TXNDC11: variants seen among roughly 807,000 people sequenced by gnomAD.
The protein encoded by TXNDC11 is thioredoxin domain-containing protein 11.
Under a neutral mutation model 78.0 loss-of-function variants are expected in TXNDC11, and 68 were observed. The observed-to-expected ratio is 0.87, with a 90% confidence interval of 0.72 to 1.07. The LOEUF (loss-of-function observed/expected upper bound fraction) is 1.07. Among genes scored for constraint, TXNDC11 ranks in the 50% least tolerant of loss-of-function variants. The pLI is 0.00. For synonymous variants in TXNDC11, 571 were observed against 495.2 expected (o/e 1.15, Z -2.03); for missense variants, 1,389 against 1,221.8 (o/e 1.14, Z -2.04).
chr16:11,695,631 C>A (rs1030447034), intron 7 of TXNDC11, among the ~76,000 whole-genome samples: 1 of 152,198 alleles, frequency 6.6e-6, no homozygotes, highest in African/African-American at 2.4e-5. Context: ...TCCACCTCTA[C>A]CACCCAAGTT....
intron 5 of TXNDC11, among the ~76,000 whole-genome samples, chr16:11,706,006 T>C (rs764935059): frequency 3.9e-5 from 6 of 152,200 alleles, no homozygotes; most frequent in Non-Finnish European, 7.3e-5. Flanking sequence ...TTCAATATTT[T>C]AATTAAGAAC....
In TXNDC11 at chr16:11,684,255, G is replaced by A; in HGVS notation, c.2154-10C>T. 1 of 1,605,550 alleles carries A rather than the reference G, an allele frequency of 6.2e-7. No individual in the cohort carries two copies. Among genetic ancestry groups the A allele is most frequent in the East Asian group, 2.2e-5 (1 of 44,770 alleles). ...CTGAGACACGTCAATCCTGGTAAAG[G>A]GAAAGAACAGAAATGGCAGATGATC... On this transcript the variant is annotated splice_polypyrimidine_tract_variant and intron_variant, in intron 10 of 11. Transcript: ENST00000283033.
intron 11 of TXNDC11, 81 bp downstream of exon 11, chr16:11,684,084 T>A: frequency 1.0e-6 from 1 of 1,000,276 alleles, no homozygotes; most frequent in Non-Finnish European, 1.6e-6. Context: ...TAATGAATGA[T>A]TTACATCTTA....
chr16:11,740,351 A>C (rs2141132900), intron 1 of TXNDC11, among the ~76,000 whole-genome samples: 1 of 152,344 alleles, frequency 6.6e-6, no homozygotes, highest in South Asian at 2.1e-4. Flanking sequence ...CCAGTGACAC[A>C]GAAAGAAGAT....
At position 11,691,391 on chromosome 16, in the gene TXNDC11, G is replaced by A. The variant is rs758746492; in HGVS notation, c.1799C>T (p.Pro600Leu). ...FWLYAERLGAPSSTQVKEFAA... is the reference protein window; with the variant it reads ...FWLYAERLGALSSTQVKEFAA... ...AAATTCTTTCACCTGAGTGGAGCTC[G>A]GAGCACCCAGTCTCTCTGCATATAA... The change falls in exon 8 of 12, where the codon CCG becomes CTG. Residue 600 changes from proline to leucine, a missense_variant. Pro to Leu is a moderately conservative substitution (Grantham distance 98). Coordinates refer to ENST00000283033, the MANE Select transcript of TXNDC11 (RefSeq NM_015914.7). The A allele has an allele frequency of 5.0e-6, 8 of 1,613,994 alleles. 1 individual carries two copies. Among genetic ancestry groups the A allele is most frequent in the Middle Eastern group, 3.3e-4 (2 of 6,084 alleles).
intron 10 of TXNDC11, among the ~76,000 whole-genome samples, chr16:11,687,136 G>C (rs1370363542): frequency 1.3e-5 from 2 of 152,116 alleles, no homozygotes; most frequent in African/African-American, 4.8e-5. Flanking sequence ...CGTATTTCTA[G>C]TGGAATCTGT....
At position 11,691,305 on chromosome 16, in the gene TXNDC11, T is replaced by A. The variant is rs2050706653; in HGVS notation, c.1885A>T (p.Met629Leu). ...CCTGCAGTACCTAGGGTGAGCTTCATCAGTGCTTGCTTTGGATCCAAGATG... is the reference window on the plus strand; with the variant it reads ...CCTGCAGTACCTAGGGTGAGCTTCAACAGTGCTTGCTTTGGATCCAAGATG... ...HYILDPKQAL[M>L]KLTLESFIQN... is the part of the protein sequence containing the mutation. The change falls in exon 8 of 12, where the codon ATG (methionine) becomes TTG (leucine). Residue 629 changes from methionine to leucine, a missense_variant. Met to Leu is a conservative substitution (Grantham distance 15). Coordinates refer to ENST00000283033, the MANE Select transcript of TXNDC11 (RefSeq NM_015914.7). 1.9e-6 allele frequency: 3 copies of A among 1,613,324 alleles called. No homozygotes were observed. In the Admixed American group the frequency reaches 5.0e-5, roughly 27 times the overall value.
chr16:11,683,475 C>T (rs931721363), intron 11 of TXNDC11, among the ~76,000 whole-genome samples: 6 of 152,208 alleles, frequency 3.9e-5, no homozygotes, highest in Non-Finnish European at 1.5e-5. Context: ...AACTGAGAGA[C>T]AAGCAAGTGG....
chr16:11,706,341 G>A (rs766183264), intron 5 of TXNDC11, among the ~76,000 whole-genome samples: 9 of 152,246 alleles, frequency 5.9e-5, no homozygotes, highest in Non-Finnish European at 1.2e-4. Flanking sequence ...CTCAGGGAGG[G>A]AGGGTGCTCC....
chr16:11,724,784 C>T (rs983370592), intron 4 of TXNDC11, among the ~76,000 whole-genome samples: 2 of 152,062 alleles, frequency 1.3e-5, no homozygotes, highest in African/African-American at 2.4e-5. Flanking sequence ...CTTTCTCTGT[C>T]GCCAAGGCTG....
At chr16:11,723,463 T>A (rs764437354) in intron 4 of TXNDC11, among the ~76,000 whole-genome samples, 2 of 152,028 alleles carry the variant, frequency 1.3e-5, no homozygotes, top group Non-Finnish European at 2.9e-5. Flanking sequence ...TGCACGCCTG[T>A]AATTCCAGCT....
chr16:11,737,348 G>A (rs533338828), intron 1 of TXNDC11, among the ~76,000 whole-genome samples: 1 of 151,714 alleles, frequency 6.6e-6, no homozygotes, highest in African/African-American at 2.4e-5. Context: ...GGGAAGCTGA[G>A]ACACAAGAAT....
chr16:11,727,256 A>C (rs2051910617), intron 4 of TXNDC11, among the ~76,000 whole-genome samples: 1 of 151,984 alleles, frequency 6.6e-6, no homozygotes, highest in East Asian at 1.9e-4. Flanking sequence ...TTTTTTTTTA[A>C]AACAAGGAGG....
intron 8 of TXNDC11, 27 bp from the exon 9 acceptor site, chr16:11,688,472 A>T (rs779399475): frequency 6.4e-7 from 1 of 1,572,030 alleles, no homozygotes; most frequent in Middle Eastern, 1.8e-4. Context: ...AATGAGATCA[A>T]CTCTCCTCTA....
intron 11 of TXNDC11, among the ~76,000 whole-genome samples, chr16:11,680,269 G>T (rs189508259): frequency 6.6e-6 from 1 of 151,738 alleles, no homozygotes; most frequent in African/African-American, 2.4e-5. Context: ...GACAGTGCCC[G>T]GAGAAAAAGG....
intron 1 of TXNDC11, among the ~76,000 whole-genome samples, chr16:11,738,008 T>C (rs926186864): frequency 1.3e-5 from 2 of 152,072 alleles, no homozygotes; most frequent in Admixed American, 6.6e-5. Context: ...AGAAAAACTA[T>C]GTAAATAGTG....
At chr16:11,710,714 G>A (rs980549236) in intron 5 of TXNDC11, among the ~76,000 whole-genome samples, 1 of 152,220 alleles carries the variant, frequency 6.6e-6, no homozygotes, top group Non-Finnish European at 1.5e-5. Context: ...GATGGCGTGA[G>A]CCTGCAGGAA....
intron 10 of TXNDC11, among the ~76,000 whole-genome samples, chr16:11,685,830 T>C (rs2141971032): frequency 6.6e-6 from 1 of 152,334 alleles, no homozygotes; most frequent in African/African-American, 2.4e-5. Context: ...ATTAAATGCT[T>C]TTTCTCACTT....
intron 5 of TXNDC11, among the ~76,000 whole-genome samples, chr16:11,703,385 A>C (rs1241345551): frequency 2.0e-5 from 3 of 152,208 alleles, no homozygotes; most frequent in Non-Finnish European, 4.4e-5. Context: ...TACATTATAC[A>C]TAATTACAGC....
Sources: allele counts gnomAD v4.1 joint callset (sites outside exome capture counted in the v4.1 genomes callset), GRCh38; gene constraint gnomAD v4.1.1; transcripts MANE v1.5; gene names NCBI Gene and HGNC (gene_info 2026-07-23, HGNC 2026-07-21).